Variants in BTBD1 observed in about 807,000 individuals in gnomAD.
BTBD1 encodes BTB domain containing 1.
In BTBD1, 34 loss-of-function variants were observed where a neutral mutation model predicts 48.0. That is an observed-to-expected ratio of 0.71 (90% confidence interval 0.54 to 0.94). The LOEUF is 0.94. Ranked by LOEUF, BTBD1 falls within the 40% of genes least tolerant of loss-of-function variation. The pLI is 0.00. For missense variants in BTBD1, 543 were observed against 625.6 expected, an observed-to-expected ratio of 0.87 and a Z score of 1.41; for synonymous variants, 261 against 242.1, an observed-to-expected ratio of 1.08 and a Z score of -0.72.
intron 5 of BTBD1, among the ~76,000 whole-genome samples, chr15:83,021,551 T>A (rs2151299164): frequency 6.6e-6 from 1 of 152,136 alleles, no homozygotes; most frequent in Middle Eastern, 3.4e-3. Flanking sequence ...GTCAGGAGTT[T>A]CAGACCAGCC....
chr15:83,023,890 C>A (rs2032350419), intron 5 of BTBD1, among the ~76,000 whole-genome samples: 1 of 152,124 alleles, frequency 6.6e-6, no homozygotes, highest in African/African-American at 2.4e-5. Flanking sequence ...CTATTTGACA[C>A]AGGATCTCAC....
chr15:83,044,673 GA>G, intron 3 of BTBD1: 1 of 1,507,450 alleles, frequency 6.6e-7, no homozygotes, highest in Non-Finnish European at 9.1e-7. Flanking sequence ...GGATGGGAAG[GA>G]AAACACAATA....
chr15:83,017,133 A>G lies in BTBD1; in HGVS notation c.*934T>C, dbSNP rs1196744996. On this transcript the variant is annotated 3_prime_UTR_variant, in exon 8 of 8. Coordinates refer to ENST00000261721, the MANE Select transcript of BTBD1 (RefSeq NM_025238.4). The stretch of plus-strand genomic sequence containing the variant: ...AAATAGAAATGTGTAGGTGGCAGAA[A>G]GCGTATTTTTCAGCAGGAGTGATTC... 1.3e-5 allele frequency: 2 copies of G among 152,632 alleles called. No homozygotes were observed. The highest frequency in any genetic ancestry group is 2.9e-5 in the Non-Finnish European group (2 of 68,032). 9.5% of individuals were successfully genotyped at this position (152,632 alleles called of 1,614,324 possible). A position where few individuals can be genotyped will look rare whatever the true frequency, so the allele number is the denominator to read the frequency against.
chr15:83,017,502 G>A lies in BTBD1; in HGVS notation c.*565C>T, dbSNP rs971878468. 2 of 152,322 alleles carry A rather than the reference G, an allele frequency of 1.3e-5. No individual in the cohort carries two copies. The highest frequency in any genetic ancestry group is 1.9e-4 in the East Asian group (1 of 5,192). The allele number at this position is 152,322 out of a possible 1,614,324, so 9.4% of individuals were successfully genotyped here. A position where few individuals can be genotyped will look rare whatever the true frequency, so the allele number is the denominator to read the frequency against. On this transcript the variant is annotated 3_prime_UTR_variant, in exon 8 of 8. Transcript: ENST00000261721. The stretch of plus-strand genomic sequence containing the variant: ...TATAAATGCACTGAATATTTTCTTG[G>A]GCATTTTATTAGGCCTTTTTTAGCA...
Position 83,063,969 on chromosome 15 carries a change from T to C in BTBD1, c.401+2782A>G, listed in dbSNP as rs554831202. On this transcript the variant is annotated intron_variant, in intron 1 of 7. Transcript: ENST00000261721. ...GAGGGCAAGGACTTTTTCTTGTTTATTGCTGTGTCCCAAACACCTACAACA... is the reference window on the plus strand; with the variant it reads ...GAGGGCAAGGACTTTTTCTTGTTTACTGCTGTGTCCCAAACACCTACAACA... Among the ~76,000 whole-genome samples the C allele has an allele frequency of 1.8e-3, 275 of 152,360 alleles. 4 individuals carry two copies. The South Asian group carries it at 0.054, about 30-fold the overall frequency.
At chr15:83,022,870 A>T (rs1016306684) in intron 5 of BTBD1, among the ~76,000 whole-genome samples, 1 of 151,824 alleles carries the variant, frequency 6.6e-6, no homozygotes, top group African/African-American at 2.4e-5. Context: ...CTGAAGCAGG[A>T]GAATCGCTTG....
chr15:83,066,747 T>C lies in BTBD1; in HGVS notation c.401+4A>G, dbSNP rs1377219847. ...GGCCCGGCCCGGCCCGCGCTGCCGCTCACCTCAGCAGCGCCAGGAAGGCTG... is the reference window on the plus strand; with the variant it reads ...GGCCCGGCCCGGCCCGCGCTGCCGCCCACCTCAGCAGCGCCAGGAAGGCTG... On this transcript the variant is annotated splice_donor_region_variant and intron_variant, in intron 1 of 7. Coordinates refer to ENST00000261721, the MANE Select transcript of BTBD1 (RefSeq NM_025238.4). 1.5e-6 allele frequency: 2 copies of C among 1,345,322 alleles called. No homozygotes were observed. Among genetic ancestry groups the C allele is most frequent in the African/African-American group, 1.6e-5 (1 of 64,214 alleles). 83.3% of individuals were successfully genotyped at this position (1,345,322 alleles called of 1,614,324 possible). A position where few individuals can be genotyped will look rare whatever the true frequency, so the allele number is the denominator to read the frequency against.
At chr15:83,041,249 T>C (rs1222822231) in intron 4 of BTBD1, among the ~76,000 whole-genome samples, 1 of 151,882 alleles carries the variant, frequency 6.6e-6, no homozygotes, top group Non-Finnish European at 1.5e-5. Flanking sequence ...CTCTAACCTA[T>C]ACAATGTGGA....
Position 83,041,803 on chromosome 15 carries a change from T to C in BTBD1, c.787A>G (p.Asn263Asp). 1 of 1,614,184 alleles carries C rather than the reference T, an allele frequency of 6.2e-7. No homozygotes were observed. Among genetic ancestry groups the C allele is most frequent in the Non-Finnish European group, 8.5e-7 (1 of 1,180,002 alleles). The change falls in exon 4 of 8, where the codon AAT (asparagine) becomes GAT (aspartate). Residue 263 changes from asparagine (N) to aspartate (D), a missense_variant. Asn to Asp is a conservative substitution (Grantham distance 23). This residue lies in a region of BTBD1 where 300 missense variants were observed against 350.0 expected (regional missense o/e 0.86). Transcript: ENST00000261721. Reference protein sequence around the residue: ...QRQQLPVTFGNKQKVLGKALS... With the variant: ...QRQQLPVTFGDKQKVLGKALS... ...GCTTTTCCTAGAACTTTTTGTTTAT[T>C]CCCAAAAGTCACAGGTAATTGTTGT...
chr15:83,018,123 T>G lies in BTBD1; in HGVS notation c.1393A>C (p.Asn465His). The stretch of plus-strand genomic sequence containing the variant: ...CCATCTTCTATTGAAGTGCCATTAT[T>G]ATTGCCAGGGGAACTAAAAAAGAAA... ...VFFFFSSPGNNNGTSIEDGQI... is the reference protein window; with the variant it reads ...VFFFFSSPGNHNGTSIEDGQI... Residue 465 changes from asparagine to histidine, a missense_variant, in exon 8 of 8, where the codon AAT (asparagine) becomes CAT (histidine). Around this residue, in one of 3 missense-constraint regions of BTBD1, gnomAD observed 300 missense variants for 350.0 expected, o/e 0.86. Transcript: ENST00000261721. 1 of 1,611,742 alleles carries G rather than the reference T, an allele frequency of 6.2e-7. No individual in the cohort carries two copies. The highest frequency in any genetic ancestry group is 8.5e-7 in the Non-Finnish European group (1 of 1,178,696).
intron 1 of BTBD1, among the ~76,000 whole-genome samples, chr15:83,062,988 A>G (rs1225414294): frequency 6.6e-6 from 1 of 152,200 alleles, no homozygotes; most frequent in Non-Finnish European, 1.5e-5. Flanking sequence ...CCTTGTCAAG[A>G]TTAAAAATCA....
At chr15:83,021,729 G>A (rs563694858) in intron 5 of BTBD1, among the ~76,000 whole-genome samples, 11 of 107,174 alleles carry the variant, frequency 1.0e-4, no homozygotes, top group Admixed American at 6.5e-4. Context: ...GTGACAGAGC[G>A]AGACTCCTTC....
At chr15:83,060,419 T>C (rs1364929937) in intron 1 of BTBD1, among the ~76,000 whole-genome samples, 1 of 148,408 alleles carries the variant, frequency 6.7e-6, no homozygotes. Flanking sequence ...TTATTACATG[T>C]CCTCAAATTA....
intron 4 of BTBD1, among the ~76,000 whole-genome samples, chr15:83,031,660 G>A (rs1193831368): frequency 6.6e-6 from 1 of 152,100 alleles, no homozygotes; most frequent in African/African-American, 2.4e-5. Context: ...GATAGCATTA[G>A]GAGATATACC....
chr15:83,053,126 A>C (rs920485888), intron 2 of BTBD1, among the ~76,000 whole-genome samples: 3 of 152,110 alleles, frequency 2.0e-5, no homozygotes, highest in Non-Finnish European at 4.4e-5. Flanking sequence ...GGGTAAAATA[A>C]ATTTTCTCAA....
chr15:83,049,741 T>C (rs2032943234), intron 3 of BTBD1, among the ~76,000 whole-genome samples: 1 of 152,218 alleles, frequency 6.6e-6, no homozygotes, highest in Non-Finnish European at 1.5e-5. Flanking sequence ...AATTTTCAAA[T>C]ATTTGTTCTT....
intron 3 of BTBD1, among the ~76,000 whole-genome samples, chr15:83,045,399 G>C (rs923748606): frequency 4.6e-5 from 7 of 152,060 alleles, no homozygotes; most frequent in Non-Finnish European, 4.4e-5. Context: ...CGGGATGCTG[G>C]GGTCAGGAGA....
chr15:83,059,740 G>A (rs2033147165), intron 1 of BTBD1, among the ~76,000 whole-genome samples: 1 of 152,080 alleles, frequency 6.6e-6, no homozygotes, highest in Non-Finnish European at 1.5e-5. Context: ...ATGCCACTAG[G>A]CTCAGCTCAT....
chr15:83,018,283 G>T, intron 7 of BTBD1, 58 bp from the exon 8 acceptor site: 1 of 1,346,630 alleles, frequency 7.4e-7, no homozygotes, highest in Non-Finnish European at 1.0e-6. Context: ...TCAGTTTAAT[G>T]TGGTGTTTTA....
Sources: gnomAD v4.1 joint callset for allele counts (sites outside exome capture counted in the v4.1 genomes callset) on GRCh38, gnomAD v4.1.1 for gene constraint, gnomAD v4.1.1 regional missense constraint, MANE v1.5 for transcripts, NCBI Gene and HGNC (gene_info 2026-07-23, HGNC 2026-07-21) for gene names.